SUPT7L: variants seen among roughly 807,000 people sequenced by gnomAD.
SUPT7L encodes the protein SPT7 like, STAGA complex subunit gamma.
In SUPT7L, 15 loss-of-function variants were observed where a neutral mutation model predicts 35.7. That is an observed-to-expected ratio of 0.42 (90% confidence interval 0.28 to 0.65). The LOEUF is 0.65. Ranked by LOEUF, SUPT7L falls within the 30% of genes least tolerant of loss-of-function variation. SUPT7L has a pLI of 0.23. For missense variants in SUPT7L, 434 were observed against 522.2 expected (o/e 0.83, Z 1.65); for synonymous variants, 168 against 186.2 (o/e 0.90, Z 0.79).
At chr2:27,642,990 C>CACACACACACACACACAT in the SUPT7L span, among the ~76,000 whole-genome samples, 1 of 150,808 alleles carries the variant, frequency 6.6e-6, no homozygotes, top group Non-Finnish European at 1.5e-5. Context: ...CACACACACA[C>CACACACACACACACACAT]ACACATACAT....
At chr2:27,655,844 A>C (rs1674781394) in intron 4 of SUPT7L, among the ~76,000 whole-genome samples, 1 of 152,200 alleles carries the variant, frequency 6.6e-6, no homozygotes. Flanking sequence ...TAAAGGTAAA[A>C]AAATGTGTTA....
At position 27,661,792 on chromosome 2, in the gene SUPT7L, A is replaced by G. The variant is rs543492344; in HGVS notation, c.14+387T>C. 1.2e-5 allele frequency: 5 copies of G among 412,742 alleles called. No homozygotes were observed. In the East Asian group the frequency reaches 3.3e-4, roughly 27 times the overall value. 25.6% of individuals were successfully genotyped at this position (412,742 alleles called of 1,614,324 possible). A position where few individuals can be genotyped will look rare whatever the true frequency, so the allele number is the denominator to read the frequency against. On this transcript the variant is annotated intron_variant, in intron 2 of 5. Coordinates refer to ENST00000337768, the MANE Select transcript of SUPT7L (RefSeq NM_014860.3). ...CATTACCAGAACTACCATCACGCTC[A>G]ATCCTGAACAATAAGCAAGGCATGA...
At chr2:27,663,178 C>A (rs1040891007) in intron 1 of SUPT7L, among the ~76,000 whole-genome samples, 151 bp downstream of exon 1, 7 of 152,134 alleles carry the variant, frequency 4.6e-5, no homozygotes, top group African/African-American at 1.4e-4. Flanking sequence ...GGCCTAGTGT[C>A]TTGCCCAATG....
At chr2:27,656,903 A>G (rs1254111920) in intron 4 of SUPT7L, among the ~76,000 whole-genome samples, 2 of 152,230 alleles carry the variant, frequency 1.3e-5, no homozygotes, top group Non-Finnish European at 2.9e-5. Flanking sequence ...CTTCCCAAGT[A>G]GCTGGGATTA....
chr2:27,657,603 C>T lies in SUPT7L; in HGVS notation c.486G>A (p.Val162=), dbSNP rs1038000532. ...HSCRQLLYQA[V]ATILAHAGFD... ...AGCCCGCGTGGGCCAGGATTGTGGC[C>T]ACTGCCTGGTAGAGGAGCTGCCGAC... is the stretch of plus-strand genomic sequence containing the variant. The change falls in exon 4 of 6, where the codon GTG becomes GTA. Residue 162 remains valine (V), a synonymous_variant. Coordinates refer to ENST00000337768, the MANE Select transcript of SUPT7L (RefSeq NM_014860.3). This position sits in a 1 kb window ranked among gnomAD's most constrained non-coding sequence, Gnocchi z 5.2. The T allele has an allele frequency of 3.1e-6, 5 of 1,614,222 alleles. No individual in the cohort carries two copies. The highest frequency in any genetic ancestry group is 3.3e-4 in the Middle Eastern group (2 of 6,054).
chr2:27,643,733 T>A, the SUPT7L span, among the ~76,000 whole-genome samples: 1 of 152,238 alleles, frequency 6.6e-6, no homozygotes, highest in Non-Finnish European at 1.5e-5. This position sits in a 1 kb window ranked among gnomAD's most constrained non-coding sequence, Gnocchi z 4.0. Flanking sequence ...GTCTCATGTT[T>A]CCTCATGATT....
At chr2:27,650,264 C>T (rs1674464295), downstream of SUPT7L, 1 of 884,380 alleles carries the variant, frequency 1.1e-6, no homozygotes, top group Non-Finnish European at 1.9e-6. Context: ...CGTGAAAGAA[C>T]TGTTCTTACC....
At position 27,661,290 on chromosome 2, in the gene SUPT7L, GGTGGGT is replaced by G; in HGVS notation, c.107_112del (p.Asp36_Pro38delinsAla). 6.2e-7 allele frequency: 1 copy of G among 1,613,880 alleles called. No homozygotes were observed. The highest frequency in any genetic ancestry group is 8.5e-7 in the Non-Finnish European group (1 of 1,179,884). ...CTTGTTGGCTGAGGGTTGGTGCAGG[GGTGGGT>G]CATGGACTTCCACCAGACGGAACTC... On this transcript the variant is annotated inframe_deletion, in exon 3 of 6. Transcript: ENST00000337768.
At position 27,661,082 on chromosome 2, in the gene SUPT7L, C is replaced by T; in HGVS notation, c.321G>A (p.Gly107=). The T allele has an allele frequency of 6.2e-7, 1 of 1,614,068 alleles. No individual in the cohort carries two copies. Among genetic ancestry groups the T allele is most frequent in the East Asian group, 2.2e-5 (1 of 44,890 alleles). ...EESEPLPSCP[G]SPPLPDDLLP... is the part of the protein sequence containing the mutation. ...GGAGGTCATCAGGGAGAGGAGGTGA[C>T]CCAGGGCACGAGGGAAGAGGTTCAC... is the stretch of plus-strand genomic sequence containing the variant. Residue 107 remains glycine (G), a synonymous_variant, in exon 3 of 6, where the codon GGG becomes GGA. Coordinates refer to ENST00000337768, the MANE Select transcript of SUPT7L (RefSeq NM_014860.3).
intron 5 of SUPT7L, among the ~76,000 whole-genome samples, chr2:27,654,242 A>C (rs1325568002): frequency 6.6e-6 from 1 of 152,202 alleles, no homozygotes; most frequent in Non-Finnish European, 1.5e-5. Flanking sequence ...TTCTTTGAAG[A>C]GACATGGTCC....
In SUPT7L at chr2:27,655,614, C is replaced by T; in HGVS notation, c.745-12G>A. The T allele has an allele frequency of 6.4e-7, 1 of 1,550,870 alleles. No homozygotes were observed. The highest frequency in any genetic ancestry group is 8.7e-7 in the Non-Finnish European group (1 of 1,148,556). On this transcript the variant is annotated splice_polypyrimidine_tract_variant and intron_variant, in intron 4 of 5. Coordinates refer to ENST00000337768, the MANE Select transcript of SUPT7L (RefSeq NM_014860.3). ...AGTTGCTTACTAATCTGTTGGCAAG[C>T]AAGAGTCAATTTTCCAAGGAAATGT...
chr2:27,646,808 T>C (rs1263841293), downstream of SUPT7L, among the ~76,000 whole-genome samples: 1 of 152,208 alleles, frequency 6.6e-6, no homozygotes, highest in African/African-American at 2.4e-5. Flanking sequence ...TTGCTCTATA[T>C]CTAGTAGAGA....
chr2:27,661,683 G>C (rs1432771403), intron 2 of SUPT7L: 13 of 1,237,140 alleles, frequency 1.1e-5, no homozygotes, highest in Non-Finnish European at 1.3e-5. Flanking sequence ...GAACCACAGG[G>C]TAGAATTTGG....
At chr2:27,650,363 A>T (rs980809099), downstream of SUPT7L, 1 of 506,830 alleles carries the variant, frequency 2.0e-6, no homozygotes, top group Non-Finnish European at 3.6e-6. Context: ...AGATGAAGTC[A>T]GGGATAGAAG....
the SUPT7L span, among the ~76,000 whole-genome samples, chr2:27,645,159 C>T: frequency 6.6e-6 from 1 of 151,922 alleles, no homozygotes; most frequent in African/African-American, 2.4e-5. Flanking sequence ...TTAATAGAGA[C>T]GAGGTCTCAC....
chr2:27,650,135 G>A (rs769401566), downstream of SUPT7L: 2 of 1,603,032 alleles, frequency 1.2e-6, no homozygotes, highest in Non-Finnish European at 8.5e-7. Flanking sequence ...AAGCCATGAA[G>A]AGCCAGCATT....
Position 27,655,247 on chromosome 2 carries a change from T to C in SUPT7L, c.982+118A>G, listed in dbSNP as rs573356816. ...TGAAACTGTATTCGTTTTAGGACTT[T>C]CCATTCTGCCCACTGCTGCTTTTGT... is the stretch of plus-strand genomic sequence containing the variant. On this transcript the variant is annotated intron_variant, in intron 5 of 5. Coordinates refer to ENST00000337768, the MANE Select transcript of SUPT7L (RefSeq NM_014860.3). The C allele has an allele frequency of 1.5e-4, 129 of 846,730 alleles. 1 individual carries two copies. Among genetic ancestry groups the C allele is most frequent in the Non-Finnish European group, 2.0e-4 (106 of 540,002 alleles). The allele number at this position is 846,730 out of a possible 1,614,324, so 52.5% of individuals were successfully genotyped here. A position where few individuals can be genotyped will look rare whatever the true frequency, so the allele number is the denominator to read the frequency against.
intron 2 of SUPT7L, chr2:27,661,630 T>G (rs1278587314): frequency 7.3e-7 from 1 of 1,364,928 alleles, no homozygotes; most frequent in Non-Finnish European, 9.4e-7. Context: ...ATGTAACTGT[T>G]AGATGCTGGT....
intron 3 of SUPT7L, among the ~76,000 whole-genome samples, chr2:27,660,463 A>G (rs1675045259): frequency 6.6e-6 from 1 of 152,098 alleles, no homozygotes; most frequent in Non-Finnish European, 1.5e-5. Flanking sequence ...GCCTCAAGTG[A>G]TCCACCCACC....
Sources: allele counts gnomAD v4.1 joint callset (sites outside exome capture counted in the v4.1 genomes callset), GRCh38; gene constraint gnomAD v4.1.1; non-coding constraint Gnocchi (gnomAD v3.1); transcripts MANE v1.5; gene names NCBI Gene and HGNC (gene_info 2026-07-23, HGNC 2026-07-21).